Variants in CDC42 observed in about 807,000 individuals in gnomAD.
CDC42 encodes the protein cell division cycle 42.
A neutral mutation model predicts 20.8 loss-of-function variants in CDC42; 1 was observed. That is an observed-to-expected ratio of 0.05 (90% CI 0.02 to 0.23). The LOEUF (loss-of-function observed/expected upper bound fraction) is 0.23, where lower values mean the gene tolerates loss of function less well. Among genes scored for constraint, CDC42 ranks in the 10% least tolerant of loss-of-function variants. The pLI is 1.00. For synonymous variants in CDC42, 72 were observed against 84.8 expected (o/e 0.85, Z 0.83); for missense variants, 49 against 227.9 (o/e 0.21, Z 5.05).
intron 1 of CDC42, among the ~76,000 whole-genome samples, chr1:22,074,675 C>T (rs1176356712): frequency 6.6e-6 from 1 of 152,148 alleles, no homozygotes; most frequent in African/African-American, 2.4e-5. Flanking sequence ...CCACTTTGGC[C>T]TCCCAAAGTG....
chr1:22,057,058 C>G (rs1483798801), intron 1 of CDC42, among the ~76,000 whole-genome samples: 1 of 152,218 alleles, frequency 6.6e-6, no homozygotes, highest in Non-Finnish European at 1.5e-5. Context: ...GACTCTGGAA[C>G]CAGACTGCCT....
intron 1 of CDC42, among the ~76,000 whole-genome samples, chr1:22,055,988 C>A (rs1234186767): frequency 6.7e-6 from 1 of 149,236 alleles, no homozygotes; most frequent in African/African-American, 2.5e-5. Flanking sequence ...AAATATCTCT[C>A]TGTATTAAAA....
rs1331517570 is a variant in CDC42 at position 22,092,317 on chromosome 1, T to C, written c.*800T>C. 6.6e-6 allele frequency: 1 copy of C among 152,604 alleles called. No individual in the cohort carries two copies. The highest frequency in any genetic ancestry group is 2.4e-5 in the African/African-American group (1 of 41,438). The allele number at this position is 152,604 out of a possible 1,614,324, so 9.5% of individuals were successfully genotyped here. ...TTGCTGATTTTTTTGGGAAGTTAATTTCTAACTTCTTTCACTGATAAATGA... is the reference window on the plus strand; with the variant it reads ...TTGCTGATTTTTTTGGGAAGTTAATCTCTAACTTCTTTCACTGATAAATGA... On this transcript the variant is annotated 3_prime_UTR_variant, in exon 6 of 6. Coordinates refer to ENST00000656825, the MANE Select transcript of CDC42 (RefSeq NM_001791.4).
Position 22,095,153 on chromosome 1 carries a change from G to C in CDC42, c.*3636G>C, listed in dbSNP as rs1482698434. Among the ~76,000 whole-genome samples the C allele has an allele frequency of 6.6e-6, 1 of 152,212 alleles. No individual in the cohort carries two copies. Among genetic ancestry groups the C allele is most frequent in the African/African-American group, 2.4e-5 (1 of 41,454 alleles). On this transcript the variant is annotated 3_prime_UTR_variant, in exon 6 of 6. Coordinates refer to ENST00000656825, the MANE Select transcript of CDC42 (RefSeq NM_001791.4). ...ATCTCTGAATGATTATTGGAGGGAA[G>C]TGGCTTTATGTCACACTTGTTTTCT...
intron 1 of CDC42, among the ~76,000 whole-genome samples, chr1:22,061,477 A>T (rs1645362352): frequency 7.0e-6 from 1 of 142,726 alleles, no homozygotes; most frequent in Non-Finnish European, 1.5e-5. Context: ...ATATAAGTTT[A>T]TTTTAAAGGG....
rs1475933917 is a variant in CDC42, at chr1:22,095,038, A to G, written c.*3521A>G. ...TAGTCCTTGCTGGGTACAAATTTAG[A>G]AATTTGTTATATAACTGTGGGGCAA... On this transcript the variant is annotated 3_prime_UTR_variant, in exon 6 of 6. Transcript: ENST00000656825. 6.6e-6 allele frequency among the ~76,000 whole-genome samples: 1 copy of G among 152,150 alleles called. No homozygotes were observed. Among genetic ancestry groups the G allele is most frequent in the Non-Finnish European group, 1.5e-5 (1 of 68,020 alleles).
At chr1:22,072,754 A>G (rs577606526) in intron 1 of CDC42, among the ~76,000 whole-genome samples, 39 of 152,222 alleles carry the variant, frequency 2.6e-4, no homozygotes, top group African/African-American at 9.2e-4. Context: ...GTTATGAAAA[A>G]CAAGAGACAC....
chr1:22,072,091 C>T (rs1001320863), intron 1 of CDC42, among the ~76,000 whole-genome samples: 16 of 70,828 alleles, frequency 2.3e-4, no homozygotes, highest in Admixed American at 6.4e-4. Flanking sequence ...TTTTACTTAC[C>T]TTTTTTTTTT....
At chr1:22,058,254 T>TA (rs1272449091) in intron 1 of CDC42, among the ~76,000 whole-genome samples, 2 of 152,214 alleles carry the variant, frequency 1.3e-5, no homozygotes, top group African/African-American at 4.8e-5. Flanking sequence ...TCAGGACTGC[T>TA]AGAGTGATGT....
intron 5 of CDC42, chr1:22,090,174 GT>G: frequency 7.5e-7 from 1 of 1,342,086 alleles, no homozygotes. Flanking sequence ...CTCTGTATTA[GT>G]TTTTGATCAA....
rs1645787181 is a variant in CDC42 at position 22,101,288 on chromosome 1, G to C, written c.*9771G>C. Reference sequence around the variant, plus strand: ...GATCCAGGTTCTAGTTGAGGCACCAGAGTTTCCTTGGGCAAGTTGCCATAC... The same window carrying C: ...GATCCAGGTTCTAGTTGAGGCACCACAGTTTCCTTGGGCAAGTTGCCATAC... On this transcript the variant is annotated 3_prime_UTR_variant, in exon 6 of 6. Transcript: ENST00000656825. The C allele has an allele frequency of 6.6e-6, 1 of 152,234 alleles. No homozygotes were observed. The highest frequency in any genetic ancestry group is 6.5e-5 in the Admixed American group (1 of 15,278). 9.4% of individuals were successfully genotyped at this position (152,234 alleles called of 1,614,324 possible). A position where few individuals can be genotyped will look rare whatever the true frequency, so the allele number is the denominator to read the frequency against.
intron 1 of CDC42, among the ~76,000 whole-genome samples, chr1:22,059,993 C>T (rs1444009326): frequency 6.6e-6 from 1 of 152,120 alleles, no homozygotes; most frequent in Non-Finnish European, 1.5e-5. Flanking sequence ...TACCTGTGTC[C>T]ATTCTCTGTG....
chr1:22,053,139 C>G (rs1170428374), intron 1 of CDC42, among the ~76,000 whole-genome samples: 1 of 151,334 alleles, frequency 6.6e-6, no homozygotes, highest in African/African-American at 2.4e-5. Context: ...CTCAGAGCGA[C>G]TCGCGGGCGC....
chr1:22,086,284 C>T (rs1441761098), intron 3 of CDC42, among the ~76,000 whole-genome samples, 155 bp from the exon 4 acceptor site: 1 of 152,092 alleles, frequency 6.6e-6, no homozygotes, highest in Non-Finnish European at 1.5e-5. Flanking sequence ...GTAGAATTAG[C>T]TGATTGAGAA....
At position 22,081,381 on chromosome 1, in the gene CDC42, T is replaced by C. The variant is rs17837972; in HGVS notation, c.106-341T>C. Among the ~76,000 whole-genome samples the C allele has an allele frequency of 4.6e-5, 7 of 152,340 alleles. No individual in the cohort carries two copies. In the East Asian group the frequency reaches 1.3e-3, roughly 29 times the overall value. On this transcript the variant is annotated intron_variant, in intron 2 of 5. Coordinates refer to ENST00000656825, the MANE Select transcript of CDC42 (RefSeq NM_001791.4). Reference sequence around the variant, plus strand: ...AGAAGTAGTTTCTTAGGAATCAGATTGAATGTTGAGGTAGACCACTGTCTG... The same window carrying C: ...AGAAGTAGTTTCTTAGGAATCAGATCGAATGTTGAGGTAGACCACTGTCTG...
intron 3 of CDC42, 55 bp from the exon 4 acceptor site, chr1:22,086,384 T>C: frequency 8.4e-7 from 1 of 1,194,136 alleles, no homozygotes; most frequent in South Asian, 1.4e-5. Context: ...TTTAACACTT[T>C]GAGGACACCA....
rs1202033037 is a variant in CDC42, at chr1:22,090,094, T to TA, written c.487-1329dup. ...GTCCCACTACTGTAGAAAGATCGTT[T>TA]AAAAACAAAGGAATAAAACCATCCT... is the stretch of plus-strand genomic sequence containing the variant. On this transcript the variant is annotated intron_variant, in intron 5 of 5. Coordinates refer to ENST00000656825, the MANE Select transcript of CDC42 (RefSeq NM_001791.4). 121 of 1,582,022 alleles carry TA rather than the reference T, an allele frequency of 7.6e-5. 2 individuals are homozygous for TA. In the Admixed American group the frequency reaches 2.1e-3, roughly 27 times the overall value.
At chr1:22,062,478 T>C (rs746248379) in intron 1 of CDC42, among the ~76,000 whole-genome samples, 28 of 152,206 alleles carry the variant, frequency 1.8e-4, no homozygotes, top group Admixed American at 6.5e-5. Context: ...ATTTCTGATA[T>C]AGGCTGGCAT....
At chr1:22,080,297 G>A (rs983864237) in intron 2 of CDC42, among the ~76,000 whole-genome samples, 38 of 152,146 alleles carry the variant, frequency 2.5e-4, no homozygotes, top group African/African-American at 8.9e-4. Context: ...AGTAAAGGAG[G>A]GTTGTTTTTG....
Sources: gnomAD v4.1 joint callset for allele counts (sites outside exome capture counted in the v4.1 genomes callset) on GRCh38, gnomAD v4.1.1 for gene constraint, MANE v1.5 for transcripts, NCBI Gene and HGNC (gene_info 2026-07-23, HGNC 2026-07-21) for gene names.